FAM135B: variants seen among roughly 807,000 people sequenced by gnomAD.
The protein encoded by FAM135B is family with sequence similarity 135 member B, also known as protein FAM135B.
In FAM135B, 43 loss-of-function variants were observed where a neutral mutation model predicts 127.7. The observed-to-expected ratio is 0.34, with a 90% CI of 0.26 to 0.43. The LOEUF (loss-of-function observed/expected upper bound fraction) is 0.43, where lower values mean the gene tolerates loss of function less well. Among genes scored for constraint, FAM135B ranks in the 20% least tolerant of loss-of-function variants. The pLI is 1.00. For missense variants in FAM135B, 1,558 were observed against 1,725.6 expected (o/e 0.90, Z 1.72); for synonymous variants, 670 against 665.1 (o/e 1.01, Z -0.11).
chr8:138,494,876 G>A (rs908422349), intron 1 of FAM135B, among the ~76,000 whole-genome samples: 1 of 151,472 alleles, frequency 6.6e-6, no homozygotes, highest in Admixed American at 6.6e-5. Context: ...TTGTGAGCAG[G>A]CCTCACTGTT....
intron 1 of FAM135B, among the ~76,000 whole-genome samples, chr8:138,401,034 C>G (rs762121946): frequency 1.3e-5 from 2 of 152,178 alleles, no homozygotes; most frequent in African/African-American, 2.4e-5. Flanking sequence ...AGAGGCTTAG[C>G]AATCCTCTAA....
intron 2 of FAM135B, among the ~76,000 whole-genome samples, chr8:138,331,133 G>T (rs1420056994): frequency 6.6e-6 from 1 of 152,076 alleles, no homozygotes; most frequent in Non-Finnish European, 1.5e-5. Context: ...CTGCCTCCCT[G>T]GCATGCCACA....
chr8:138,189,096 C>CTA (rs1815868035), intron 9 of FAM135B, among the ~76,000 whole-genome samples: 1 of 152,204 alleles, frequency 6.6e-6, no homozygotes, highest in African/African-American at 2.4e-5. Flanking sequence ...AACCAACAGG[C>CTA]TATACCAACA....
At chr8:138,490,806 C>T (rs191231905) in intron 1 of FAM135B, among the ~76,000 whole-genome samples, 16 of 152,138 alleles carry the variant, frequency 1.1e-4, no homozygotes, top group African/African-American at 3.6e-4. Context: ...GTCACTTCAA[C>T]GTCTGCTAAA....
chr8:138,277,053 T>C (rs1823883706), intron 3 of FAM135B, among the ~76,000 whole-genome samples: 2 of 152,134 alleles, frequency 1.3e-5, no homozygotes, highest in African/African-American at 4.8e-5. Flanking sequence ...GGTATCCCCA[T>C]GCCATGCACA....
chr8:138,214,363 T>G (rs1818383523), intron 7 of FAM135B, among the ~76,000 whole-genome samples: 1 of 152,240 alleles, frequency 6.6e-6, no homozygotes, highest in South Asian at 2.1e-4. Flanking sequence ...ATGTATGCAT[T>G]TATTCAAGAA....
intron 7 of FAM135B, 70 bp from the exon 8 acceptor site, chr8:138,197,739 C>G (rs961168989): frequency 6.6e-7 from 1 of 1,514,116 alleles, no homozygotes; most frequent in South Asian, 1.2e-5. Context: ...GGCTGTGATG[C>G]TCCATCCACC....
chr8:138,441,544 C>T (rs1835765878), intron 1 of FAM135B: 1 of 152,200 alleles, frequency 6.6e-6, no homozygotes, highest in African/African-American at 2.4e-5. Context: ...CACAGCCTGA[C>T]ATCCTATTTG....
chr8:138,173,066 C>CT (rs1270681948), intron 11 of FAM135B, among the ~76,000 whole-genome samples: 1 of 152,138 alleles, frequency 6.6e-6, no homozygotes, highest in Non-Finnish European at 1.5e-5. Flanking sequence ...GCTTGGAAAC[C>CT]AGTTGTTTGC....
intron 6 of FAM135B, among the ~76,000 whole-genome samples, chr8:138,246,756 G>C (rs1466973911): frequency 1.3e-5 from 2 of 152,154 alleles, no homozygotes; most frequent in African/African-American, 4.8e-5. Context: ...CTCCAGAATG[G>C]TAGATCCACC....
chr8:138,307,658 C>A (rs1190969646), intron 3 of FAM135B, among the ~76,000 whole-genome samples: 2 of 150,444 alleles, frequency 1.3e-5, no homozygotes, highest in Non-Finnish European at 2.9e-5. Context: ...AAGCACTATG[C>A]TAGGGGCTTT....
rs572865182 is a variant in FAM135B at position 138,344,314 on chromosome 8, T to C, written c.77+23593A>G. Among the ~76,000 whole-genome samples, 18 of 152,318 alleles carry C rather than the reference T, an allele frequency of 1.2e-4. No individual in the cohort carries two copies. The South Asian group carries it at 3.3e-3, about 28-fold the overall frequency. ...GTGGCCAATGCAGTGCAATGAAAGA[T>C]GCCCAACAGAGAATCACAGCCCATC... On this transcript the variant is annotated intron_variant, in intron 2 of 19. Transcript: ENST00000395297.
intron 5 of FAM135B, among the ~76,000 whole-genome samples, chr8:138,252,213 G>C (rs1821750011): frequency 6.6e-6 from 1 of 152,168 alleles, no homozygotes; most frequent in African/African-American, 2.4e-5. Flanking sequence ...AGCTTATTAT[G>C]AACTGAACAT....
chr8:138,143,751 A>G (rs1817418614), intron 15 of FAM135B, among the ~76,000 whole-genome samples: 1 of 152,222 alleles, frequency 6.6e-6, no homozygotes, highest in African/African-American at 2.4e-5. Flanking sequence ...AGAGAAATAG[A>G]TTTGGGGCCA....
At chr8:138,187,999 G>A (rs1815743501) in intron 9 of FAM135B, among the ~76,000 whole-genome samples, 1 of 152,168 alleles carries the variant, frequency 6.6e-6, no homozygotes, top group African/African-American at 2.4e-5. Flanking sequence ...GTTAGTGAAT[G>A]CCTTCACCTG....
At chr8:138,274,350 T>C (rs948985873) in intron 3 of FAM135B, among the ~76,000 whole-genome samples, 15 of 152,080 alleles carry the variant, frequency 9.9e-5, no homozygotes, top group Admixed American at 5.9e-4. Flanking sequence ...CCAGCAAGTT[T>C]TTATTAGGGA....
chr8:138,226,802 T>A lies in FAM135B; in HGVS notation c.669+16140A>T, dbSNP rs550481347. On this transcript the variant is annotated intron_variant, in intron 7 of 19. Transcript: ENST00000395297. ...GTCTCAAACTCCTAACCTCAAGTGA[T>A]CTGCCCACCTCAGCCTCCCAAAGTG... 2.6e-5 allele frequency among the ~76,000 whole-genome samples: 4 copies of A among 152,326 alleles called. No individual in the cohort carries two copies. The East Asian group carries it at 5.8e-4, about 22-fold the overall frequency.
chr8:138,177,823 T>A (rs530309589), intron 10 of FAM135B, among the ~76,000 whole-genome samples: 1 of 152,362 alleles, frequency 6.6e-6, no homozygotes, highest in Non-Finnish European at 1.5e-5. Context: ...GATCTTCATA[T>A]GTTTTGTCAT....
Position 138,151,448 on chromosome 8 carries a change from G to C in FAM135B, c.3027C>G (p.Ile1009Met), listed in dbSNP as rs760676607. Residue 1009 changes from isoleucine (I) to methionine (M), a missense_variant, in exon 13 of 20, where the codon ATC becomes ATG. Ile to Met is a conservative substitution (Grantham distance 10, BLOSUM62 1). Transcript: ENST00000395297. ...CTGCAGAAGTCAGATGGGACCCCAT[G>C]ATGGAAGTGCCTGCCTTCAGCTCTT... ...KNQELKAGTSIMGSHLTSAET... is the reference protein window; with the variant it reads ...KNQELKAGTSMMGSHLTSAET... 6.2e-7 allele frequency: 1 copy of C among 1,614,250 alleles called. No individual in the cohort carries two copies. The highest frequency in any genetic ancestry group is 8.5e-7 in the Non-Finnish European group (1 of 1,180,044).
Sources: gnomAD v4.1 joint callset for allele counts (sites outside exome capture counted in the v4.1 genomes callset) on GRCh38, gnomAD v4.1.1 for gene constraint, MANE v1.5 for transcripts, NCBI Gene and HGNC (gene_info 2026-07-23, HGNC 2026-07-21) for gene names.